TAF3: variants seen among roughly 807,000 people sequenced by gnomAD.
TAF3 encodes TATA-box binding protein associated factor 3, also known as transcription initiation factor TFIID subunit 3.
Under a neutral mutation model 80.6 loss-of-function variants are expected in TAF3, and 7 were observed. The ratio of observed to expected loss-of-function variants is 0.09; its 90% CI spans 0.05 to 0.16. The LOEUF is 0.16. Among genes scored for constraint, TAF3 ranks in the 10% least tolerant of loss-of-function variants. The pLI, the probability that TAF3 is intolerant of heterozygous loss-of-function variation, is 1.00. For missense variants in TAF3, 921 were observed against 1,140.2 expected (o/e 0.81, Z 2.77); for synonymous variants, 444 against 446.1 (o/e 1.00, Z 0.06).
At chr10:7,825,092 T>C (rs780486084) in intron 2 of TAF3, among the ~76,000 whole-genome samples, 1 of 152,248 alleles carries the variant, frequency 6.6e-6, no homozygotes, top group Admixed American at 6.5e-5. Flanking sequence ...TCAGGTATAA[T>C]GGTCAGTCCA....
chr10:7,846,655 A>T (rs900362843), intron 2 of TAF3, among the ~76,000 whole-genome samples: 2 of 152,200 alleles, frequency 1.3e-5, no homozygotes, highest in African/African-American at 4.8e-5. Context: ...AACTGAAAAA[A>T]ATTCATTCTC....
chr10:7,983,709 T>C (rs1001370818), intron 4 of TAF3, among the ~76,000 whole-genome samples: 1 of 152,118 alleles, frequency 6.6e-6, no homozygotes, highest in Non-Finnish European at 1.5e-5. Flanking sequence ...CGTAGTGGCG[T>C]GCACCTATAC....
intron 2 of TAF3, among the ~76,000 whole-genome samples, chr10:7,881,864 G>A (rs1837365552): frequency 6.6e-6 from 1 of 152,186 alleles, no homozygotes; most frequent in South Asian, 2.1e-4. Flanking sequence ...AAAAGAAAAG[G>A]ATAACTGATT....
chr10:7,947,375 A>G (rs1017411324), intron 2 of TAF3, among the ~76,000 whole-genome samples: 1 of 121,108 alleles, frequency 8.3e-6, no homozygotes, highest in Non-Finnish European at 1.8e-5. Context: ...GGAATAGTCT[A>G]AAAGGTGTAG....
intron 2 of TAF3, among the ~76,000 whole-genome samples, chr10:7,870,049 A>C (rs1564352466): frequency 6.6e-6 from 1 of 152,216 alleles, no homozygotes; most frequent in Non-Finnish European, 1.5e-5. Flanking sequence ...GATAATTAGG[A>C]GAAATGAAAA....
intron 2 of TAF3, among the ~76,000 whole-genome samples, chr10:7,960,494 A>G (rs964504807): frequency 6.6e-6 from 1 of 152,254 alleles, no homozygotes; most frequent in Admixed American, 6.5e-5. Flanking sequence ...AAGGCATTAC[A>G]GAATAGGTAA....
At chr10:7,904,338 T>C (rs1170109623) in intron 2 of TAF3, among the ~76,000 whole-genome samples, 1 of 152,202 alleles carries the variant, frequency 6.6e-6, no homozygotes, top group Admixed American at 6.5e-5. Context: ...TATTTATGCT[T>C]TGTAGCCCTA....
intron 2 of TAF3, among the ~76,000 whole-genome samples, chr10:7,859,421 G>C (rs1242938460): frequency 6.6e-6 from 1 of 152,182 alleles, no homozygotes; most frequent in Non-Finnish European, 1.5e-5. Context: ...GAAATCATCT[G>C]ACATGGGCCT....
At chr10:7,853,516 C>T (rs1837049157) in intron 2 of TAF3, among the ~76,000 whole-genome samples, 2 of 152,110 alleles carry the variant, frequency 1.3e-5, no homozygotes, top group South Asian at 2.1e-4. Context: ...GTAAGTAGTA[C>T]CAAAAATGGT....
chr10:7,969,424 G>A (rs560758165), intron 3 of TAF3, among the ~76,000 whole-genome samples: 21 of 152,210 alleles, frequency 1.4e-4, no homozygotes, highest in African/African-American at 5.1e-4. Context: ...TGTCACATTT[G>A]GGATTAAGTA....
At chr10:7,922,200 T>G (rs1837769058) in intron 2 of TAF3, among the ~76,000 whole-genome samples, 1 of 152,102 alleles carries the variant, frequency 6.6e-6, no homozygotes, top group South Asian at 2.1e-4. Flanking sequence ...TCTGTCTACT[T>G]GAATTTGTTT....
intron 2 of TAF3, among the ~76,000 whole-genome samples, chr10:7,900,854 T>C (rs1341110040): frequency 6.6e-6 from 1 of 152,172 alleles, no homozygotes; most frequent in East Asian, 1.9e-4. Flanking sequence ...TCTCCTACAT[T>C]AGCAGATCAT....
chr10:7,976,483 C>G (rs532160114), intron 3 of TAF3, among the ~76,000 whole-genome samples: 2 of 149,636 alleles, frequency 1.3e-5, no homozygotes, highest in African/African-American at 2.5e-5. Context: ...GGCATGATCT[C>G]GGCTCACTGT....
At chr10:7,911,456 C>G (rs1837656187) in intron 2 of TAF3, among the ~76,000 whole-genome samples, 1 of 152,200 alleles carries the variant, frequency 6.6e-6, no homozygotes, top group Non-Finnish European at 1.5e-5. Flanking sequence ...GAAGCAGACC[C>G]AAAGGAAATA....
intron 2 of TAF3, among the ~76,000 whole-genome samples, chr10:7,845,085 T>C (rs1836956266): frequency 6.6e-6 from 1 of 152,236 alleles, no homozygotes; most frequent in South Asian, 2.1e-4. Context: ...TGTATCAGTT[T>C]ACAGTGCCGT....
chr10:7,876,040 A>G (rs1564354018), intron 2 of TAF3, among the ~76,000 whole-genome samples: 1 of 151,838 alleles, frequency 6.6e-6, no homozygotes, highest in African/African-American at 2.4e-5. Flanking sequence ...TTATATTTAT[A>G]AAAAGGAAGT....
chr10:7,909,488 TA>T (rs1276587438), intron 2 of TAF3, among the ~76,000 whole-genome samples: 1 of 152,188 alleles, frequency 6.6e-6, no homozygotes, highest in Non-Finnish European at 1.5e-5. Context: ...TTGGATAAAC[TA>T]GTGTCATTGG....
chr10:7,861,529 T>G (rs1251864864), intron 2 of TAF3, among the ~76,000 whole-genome samples: 1 of 152,198 alleles, frequency 6.6e-6, no homozygotes, highest in Non-Finnish European at 1.5e-5. Flanking sequence ...GACTGAGACG[T>G]GAAATCAGCC....
chr10:7,838,908 G>GTTTTTTTTTTTTTTTTTTT (rs71505463), intron 2 of TAF3, among the ~76,000 whole-genome samples: 5 of 101,856 alleles, frequency 4.9e-5, no homozygotes, highest in Admixed American at 1.1e-4. Flanking sequence ...GGCATTGCTT[G>GTTTTTTTTTTTTTTTTTTT]TTTTTTTTTT....
Sources: gnomAD v4.1 joint callset for allele counts (sites outside exome capture counted in the v4.1 genomes callset) on GRCh38, gnomAD v4.1.1 for gene constraint, MANE v1.5 for transcripts, NCBI Gene and HGNC (gene_info 2026-07-23, HGNC 2026-07-21) for gene names.